The following CSMD1 variants were observed in gnomAD, a reference collection of about 807,000 sequenced individuals.
CSMD1 encodes CUB and Sushi multiple domains 1.
Under a neutral mutation model 417.5 loss-of-function variants are expected in CSMD1, and 213 were observed. The observed-to-expected ratio is 0.51, with a 90% CI of 0.46 to 0.57. CSMD1 has a LOEUF of 0.57. Among genes scored for constraint, CSMD1 ranks in the 20% least tolerant of loss-of-function variants. The pLI, the probability that CSMD1 is intolerant of heterozygous loss-of-function variation, is 0.00. For synonymous variants in CSMD1, 2,862 were observed against 1,736.8 expected (o/e 1.65, Z -16.11); for missense variants, 6,923 against 4,529.7 (o/e 1.53, Z -15.17).
At chr8:3,556,403 AT>A (rs1256011969) in intron 10 of CSMD1, among the ~76,000 whole-genome samples, 2 of 141,778 alleles carry the variant, frequency 1.4e-5, no homozygotes, top group Non-Finnish European at 3.0e-5. Context: ...ATATATATAT[AT>A]ATATATATAT....
chr8:3,249,489 G>A (rs1046511804), intron 26 of CSMD1, among the ~76,000 whole-genome samples: 2 of 152,170 alleles, frequency 1.3e-5, no homozygotes, highest in Non-Finnish European at 2.9e-5. Flanking sequence ...CTCCCAAAAT[G>A]CTGGGATTAC....
intron 10 of CSMD1, among the ~76,000 whole-genome samples, chr8:3,501,046 TTATA>T (rs1177645155): frequency 1.3e-5 from 2 of 152,116 alleles, no homozygotes; most frequent in African/African-American, 4.8e-5. Flanking sequence ...AAATATTAAT[TTATA>T]AACAAAATGA....
At chr8:3,952,182 T>C (rs949135658) in intron 5 of CSMD1, among the ~76,000 whole-genome samples, 18 of 152,166 alleles carry the variant, frequency 1.2e-4, no homozygotes, top group African/African-American at 4.1e-4. Context: ...CAGAAACTGT[T>C]CATGGTGTCT....
chr8:4,898,649 T>C (rs939964544), intron 1 of CSMD1, among the ~76,000 whole-genome samples: 2 of 152,156 alleles, frequency 1.3e-5, no homozygotes, highest in African/African-American at 4.8e-5. Context: ...AAAATTTTTA[T>C]GAAAATTGTC....
At chr8:4,841,206 T>C (rs1563558557) in intron 1 of CSMD1, among the ~76,000 whole-genome samples, 1 of 152,266 alleles carries the variant, frequency 6.6e-6, no homozygotes, top group Non-Finnish European at 1.5e-5. Context: ...ATACATTATG[T>C]TGATATATCT....
chr8:3,810,339 A>T (rs1800997303), intron 5 of CSMD1, among the ~76,000 whole-genome samples: 1 of 152,224 alleles, frequency 6.6e-6, no homozygotes, highest in East Asian at 1.9e-4. Flanking sequence ...GGAAAGAAAT[A>T]GTGCTTCTCA....
intron 3 of CSMD1, among the ~76,000 whole-genome samples, chr8:4,136,611 T>A (rs185320077): frequency 4.9e-4 from 74 of 152,212 alleles, no homozygotes; most frequent in African/African-American, 1.7e-3. Context: ...GCAAGAGAGG[T>A]TGAATATATT....
intron 2 of CSMD1, among the ~76,000 whole-genome samples, chr8:4,618,964 A>G (rs1276994946): frequency 6.6e-6 from 1 of 152,196 alleles, no homozygotes; most frequent in African/African-American, 2.4e-5. Flanking sequence ...TCTAGTAAAC[A>G]TAACAGAAGC....
rs550241240 is a variant in CSMD1, at chr8:3,128,460, A to G, written c.6242-9873T>C. On this transcript the variant is annotated intron_variant, in intron 41 of 69. Coordinates refer to ENST00000635120, the MANE Select transcript of CSMD1 (RefSeq NM_033225.6). Reference sequence around the variant, plus strand: ...GACAAACTTTAAGAATAAGGTGTACAGCACAGACATCATTGAAAATGACAA... The same window carrying G: ...GACAAACTTTAAGAATAAGGTGTACGGCACAGACATCATTGAAAATGACAA... The G allele has an allele frequency of 2.7e-5, 5 of 184,996 alleles. No individual in the cohort carries two copies. The East Asian group carries it at 7.4e-4, about 27-fold the overall frequency. The allele number at this position is 184,996 out of a possible 1,614,324, so 11.5% of individuals were successfully genotyped here.
chr8:3,319,956 A>G (rs897939892), intron 23 of CSMD1, among the ~76,000 whole-genome samples: 4 of 152,254 alleles, frequency 2.6e-5, no homozygotes, highest in African/African-American at 4.8e-5. Flanking sequence ...ATTTATTGTT[A>G]TCACCTTAGA....
chr8:3,236,806 A>C (rs1799179862), intron 26 of CSMD1, among the ~76,000 whole-genome samples: 1 of 152,192 alleles, frequency 6.6e-6, no homozygotes, highest in African/African-American at 2.4e-5. Context: ...TAAAAAAGAA[A>C]ACATTTTCAG....
At chr8:4,972,064 A>G (rs1013065001) in intron 1 of CSMD1, among the ~76,000 whole-genome samples, 2 of 152,104 alleles carry the variant, frequency 1.3e-5, no homozygotes, top group Non-Finnish European at 2.9e-5. Flanking sequence ...TGAAGAGGTA[A>G]GCGATACCAT....
chr8:3,888,464 C>A (rs1237734290), intron 5 of CSMD1, among the ~76,000 whole-genome samples: 1 of 152,150 alleles, frequency 6.6e-6, no homozygotes, highest in African/African-American at 2.4e-5. Flanking sequence ...TAAAAAGAAG[C>A]GCCATTTAGG....
intron 10 of CSMD1, among the ~76,000 whole-genome samples, chr8:3,536,691 T>C (rs1474979668): frequency 1.3e-5 from 2 of 152,168 alleles, no homozygotes; most frequent in Non-Finnish European, 2.9e-5. Context: ...CAATAGGATC[T>C]GTGCCCTCAG....
intron 3 of CSMD1, among the ~76,000 whole-genome samples, chr8:4,293,953 C>T (rs762559138): frequency 7.9e-5 from 12 of 151,866 alleles, no homozygotes; most frequent in South Asian, 2.1e-4. Flanking sequence ...ACACTTTCTA[C>T]AAGTTCTAAA....
intron 2 of CSMD1, among the ~76,000 whole-genome samples, chr8:4,460,061 A>T (rs1460422173): frequency 6.6e-6 from 1 of 152,144 alleles, no homozygotes; most frequent in Non-Finnish European, 1.5e-5. Flanking sequence ...ATAACAGAAT[A>T]TTGTTTTCAA....
chr8:3,535,303 G>A (rs977613635), intron 10 of CSMD1, among the ~76,000 whole-genome samples: 1 of 152,036 alleles, frequency 6.6e-6, no homozygotes, highest in African/African-American at 2.4e-5. Flanking sequence ...TCAAGCTTTT[G>A]GCCGTACTTT....
At chr8:4,992,104 G>T (rs1188540542) in intron 1 of CSMD1, among the ~76,000 whole-genome samples, 1 of 152,178 alleles carries the variant, frequency 6.6e-6, no homozygotes. Context: ...CGCAAGAGGA[G>T]CTCTCTTCCA....
At chr8:4,408,597 T>TTAAAA (rs1161469262) in intron 3 of CSMD1, among the ~76,000 whole-genome samples, 1 of 152,196 alleles carries the variant, frequency 6.6e-6, no homozygotes, top group African/African-American at 2.4e-5. Flanking sequence ...AAGGAAGCAA[T>TTAAAA]TAAGAAATGT....
Sources: gnomAD v4.1 joint callset for allele counts (sites outside exome capture counted in the v4.1 genomes callset) on GRCh38, gnomAD v4.1.1 for gene constraint, MANE v1.5 for transcripts, NCBI Gene and HGNC (gene_info 2026-07-23, HGNC 2026-07-21) for gene names.